RGMA: variants seen among roughly 807,000 people sequenced by gnomAD.
The protein encoded by RGMA is repulsive guidance molecule BMP co-receptor a.
A neutral mutation model predicts 23.2 loss-of-function variants in RGMA; 10 were observed. That is an observed-to-expected ratio of 0.43 (90% CI 0.27 to 0.73). The LOEUF (loss-of-function observed/expected upper bound fraction) is 0.73, where lower values mean the gene tolerates loss of function less well. Among genes scored for constraint, RGMA ranks in the 30% least tolerant of loss-of-function variants. The pLI, the probability that RGMA is intolerant of heterozygous loss-of-function variation, is 0.20. For missense variants in RGMA, 547 were observed against 630.5 expected, an observed-to-expected ratio of 0.87 and a Z score of 1.42; for synonymous variants, 308 against 279.3, an observed-to-expected ratio of 1.10 and a Z score of -1.03.
intron 1 of RGMA, chr15:93,073,284 G>T (rs1895400913): frequency 1.2e-6 from 1 of 809,358 alleles, no homozygotes; most frequent in Non-Finnish European, 1.6e-6. Context: ...GGGTTTCAGC[G>T]AGGCCGGCGA....
At chr15:93,051,881 G>C in intron 3 of RGMA, 112 bp downstream of exon 3, 4 of 1,161,154 alleles carry the variant, frequency 3.4e-6, no homozygotes, top group Non-Finnish European at 4.8e-6. Context: ...TCCCCGCTCC[G>C]CTCCGTCTTC....
chr15:93,073,563 C>T (rs1895411735), intron 1 of RGMA: 1 of 1,529,500 alleles, frequency 6.5e-7, no homozygotes, highest in Non-Finnish European at 8.7e-7. Context: ...CCCAGCCCTA[C>T]TTTCCAACCA....
Position 93,087,471 on chromosome 15 carries a change from A to AAAAAC in RGMA, c.14+1447_14+1448insGTTTT, listed in dbSNP as rs1555451800. The stretch of plus-strand genomic sequence containing the variant: ...ACCCCTTCTTTGTATGTGCAAAAAA[A>AAAAAC]AAAAAAAAAAAAACCACAAAACCCA... On this transcript the variant is annotated intron_variant, in intron 1 of 3. Transcript: ENST00000329082. Among the ~76,000 whole-genome samples the AAAAAC allele has an allele frequency of 2.0e-5, 3 of 150,620 alleles. No homozygotes were observed. The South Asian group carries it at 6.3e-4, about 32-fold the overall frequency.
rs2054666365 is a variant in RGMA, at chr15:93,036,825, G to GAGTGGGTCA, written c.*8164_*8172dup. The GAGTGGGTCA allele has an allele frequency of 6.6e-6, 1 of 152,366 alleles. No homozygotes were observed. The highest frequency in any genetic ancestry group is 2.1e-4 in the South Asian group (1 of 4,838). The allele number at this position is 152,366 out of a possible 1,614,324, so 9.4% of individuals were successfully genotyped here. On this transcript the variant is annotated 3_prime_UTR_variant, in exon 4 of 4. Transcript: ENST00000329082. The stretch of plus-strand genomic sequence containing the variant: ...CCTACCAGACCCTGCTTGTAACCTG[G>GAGTGGGTCA]AGTGGGTCAGTTGGCTTCTCTTTGC...
chr15:93,088,272 G>C lies in RGMA; in HGVS notation c.14+647C>G, dbSNP rs1470791221. On this transcript the variant is annotated intron_variant, in intron 1 of 3. Coordinates refer to ENST00000329082, the MANE Select transcript of RGMA (RefSeq NM_020211.3). ...TGAATACACCTGTCCCCCATGCCCG[G>C]GCTTGTACCCTGGGTTGAGCTGCGG... 3 of 985,336 alleles carry C rather than the reference G, an allele frequency of 3.0e-6. No homozygotes were observed. The Admixed American group carries it at 1.8e-4, about 61-fold the overall frequency. 61.0% of individuals were successfully genotyped at this position (985,336 alleles called of 1,614,324 possible). A position where few individuals can be genotyped will look rare whatever the true frequency, so the allele number is the denominator to read the frequency against.
intron 3 of RGMA, among the ~76,000 whole-genome samples, chr15:93,051,754 G>C (rs1193688052): frequency 1.3e-5 from 2 of 152,244 alleles, no homozygotes; most frequent in African/African-American, 4.8e-5. Context: ...GCCTCTTAGA[G>C]CATCAGGCTC....
chr15:93,063,286 C>G (rs1404283328), intron 2 of RGMA, among the ~76,000 whole-genome samples: 1 of 152,368 alleles, frequency 6.6e-6, no homozygotes, highest in East Asian at 1.9e-4. Flanking sequence ...TGGTATGTCC[C>G]CCGTTCAAAG....
At chr15:93,066,204 A>C in intron 2 of RGMA, 1 of 1,419,310 alleles carries the variant, frequency 7.0e-7, no homozygotes, top group East Asian at 2.4e-5. Context: ...CAAATTCCAC[A>C]GTCTCCTCAT....
Position 93,040,267 on chromosome 15 carries a change from T to G in RGMA, c.*4731A>C, listed in dbSNP as rs2054708437. ...ACATCATTCCTACACTCAAAGCCCGTGAACGGCTTCCTCTGGCAACTGGAG... is the reference window on the plus strand; with the variant it reads ...ACATCATTCCTACACTCAAAGCCCGGGAACGGCTTCCTCTGGCAACTGGAG... On this transcript the variant is annotated 3_prime_UTR_variant, in exon 4 of 4. Coordinates refer to ENST00000329082, the MANE Select transcript of RGMA (RefSeq NM_020211.3). 6.6e-6 allele frequency: 1 copy of G among 152,250 alleles called. No individual in the cohort carries two copies. Among genetic ancestry groups the G allele is most frequent in the South Asian group, 2.1e-4 (1 of 4,830 alleles). 9.4% of individuals were successfully genotyped at this position (152,250 alleles called of 1,614,324 possible).
At chr15:93,052,642 G>A in intron 2 of RGMA, 135 bp from the exon 3 acceptor site, 1 of 1,036,876 alleles carries the variant, frequency 9.6e-7, no homozygotes, top group South Asian at 1.7e-5. Flanking sequence ...CACAGATGGT[G>A]AAAAATTTCC....
intron 2 of RGMA, among the ~76,000 whole-genome samples, chr15:93,061,861 C>A (rs2293597): frequency 0.64 from 97,827 of 151,990 alleles, 31,714 homozygotes; most frequent in East Asian, 0.84. Flanking sequence ...TGCATAACAA[C>A]GAAGCCCAAT....
chr15:93,047,102 TAGACTCTGCGTTTCC>T (rs977821174), intron 3 of RGMA, among the ~76,000 whole-genome samples: 2 of 152,164 alleles, frequency 1.3e-5, no homozygotes, highest in African/African-American at 4.8e-5. Flanking sequence ...GAGCTGGGAT[TAGACTCTGCGTTTCC>T]AGACTCTGGG....
rs2054660886 is a variant in RGMA at position 93,036,350 on chromosome 15, A to T, written c.*8648T>A. The T allele has an allele frequency of 6.6e-6, 1 of 152,230 alleles. No individual in the cohort carries two copies. The allele number at this position is 152,230 out of a possible 1,614,324, so 9.4% of individuals were successfully genotyped here. ...GGACTCCTCTTGTTTTATGCAACCA[A>T]CACCCACCCTGGGGCACTTGCCTTA... On this transcript the variant is annotated 3_prime_UTR_variant, in exon 4 of 4. Transcript: ENST00000329082.
chr15:93,064,414 G>A (rs1895073066), intron 2 of RGMA, among the ~76,000 whole-genome samples: 1 of 152,244 alleles, frequency 6.6e-6, no homozygotes, highest in South Asian at 2.1e-4. Context: ...GCTGCCTCTA[G>A]TGACCCTGGG....
At chr15:93,066,735 A>C in intron 2 of RGMA, 1 of 330,342 alleles carries the variant, frequency 3.0e-6, no homozygotes, top group African/African-American at 2.3e-5. Context: ...CTGGTCTTAA[A>C]CTCCTGACCT....
At chr15:93,057,922 G>C (rs1231789665) in intron 2 of RGMA, among the ~76,000 whole-genome samples, 1 of 152,136 alleles carries the variant, frequency 6.6e-6, no homozygotes, top group Non-Finnish European at 1.5e-5. Flanking sequence ...GTGTGGTCCA[G>C]TCTCTATGTC....
chr15:93,081,320 C>A (rs538036028), intron 1 of RGMA, among the ~76,000 whole-genome samples: 1 of 152,300 alleles, frequency 6.6e-6, no homozygotes, highest in African/African-American at 2.4e-5. Flanking sequence ...ATCTGTAACA[C>A]TTCTGCAGTC....
At chr15:93,052,636 G>C (rs1405328675) in intron 2 of RGMA, 129 bp from the exon 3 acceptor site, 3 of 1,056,460 alleles carry the variant, frequency 2.8e-6, no homozygotes, top group African/African-American at 1.6e-5. Context: ...GCCACACACA[G>C]ATGGTGAAAA....
chr15:93,043,258 A>ACGCGCACACACAGGCACG lies in RGMA; in HGVS notation c.*1739_*1740insCGTGCCTGTGTGTGCGCG, dbSNP rs59906908. The ACGCGCACACACAGGCACG allele has an allele frequency of 0.12, 2,328 of 19,292 alleles. 29 individuals carry two copies. Among genetic ancestry groups the ACGCGCACACACAGGCACG allele is most frequent in the Middle Eastern group, 0.42 (11 of 26 alleles). 1.2% of individuals were successfully genotyped at this position (19,292 alleles called of 1,614,324 possible). ...CGTACATGCACGCACACAGGCACGC[A>ACGCGCACACACAGGCACG]CACACACAGGCATGCATACACACAT... is the stretch of plus-strand genomic sequence containing the variant. On this transcript the variant is annotated 3_prime_UTR_variant, in exon 4 of 4. Coordinates refer to ENST00000329082, the MANE Select transcript of RGMA (RefSeq NM_020211.3).
Sources: gnomAD v4.1 joint callset for allele counts (sites outside exome capture counted in the v4.1 genomes callset) on GRCh38, gnomAD v4.1.1 for gene constraint, MANE v1.5 for transcripts, NCBI Gene and HGNC (gene_info 2026-07-23, HGNC 2026-07-21) for gene names.